The following PNKD variants were observed in gnomAD, a reference collection of about 807,000 sequenced individuals.
The protein encoded by PNKD is PNKD metallo-beta-lactamase domain containing, also known as probable thioesterase PNKD.
A neutral mutation model predicts 45.3 loss-of-function variants in PNKD; 36 were observed. That is an observed-to-expected ratio of 0.80 (90% CI 0.61 to 1.05). PNKD has a LOEUF of 1.05. Ranked by LOEUF, PNKD falls within the 50% of genes least tolerant of loss-of-function variation. PNKD has a pLI of 0.00. For missense variants in PNKD, 511 were observed against 506.6 expected, an observed-to-expected ratio of 1.01 and a Z score of -0.08; for synonymous variants, 197 against 210.1, an observed-to-expected ratio of 0.94 and a Z score of 0.54.
intron 2 of PNKD, among the ~76,000 whole-genome samples, chr2:218,319,332 T>C (rs1320243760): frequency 9.2e-5 from 14 of 151,536 alleles, no homozygotes; most frequent in Non-Finnish European, 4.4e-5. Context: ...ACTGCAGACA[T>C]TGGGGCCATT....
intron 2 of PNKD, among the ~76,000 whole-genome samples, chr2:218,302,491 G>A (rs1167666033): frequency 2.6e-5 from 4 of 152,200 alleles, no homozygotes; most frequent in Non-Finnish European, 5.9e-5. Context: ...ATCAAGCTAT[G>A]TGAAGGTGTG....
Position 218,324,997 on chromosome 2 carries a change from C to CTTTTTTTTTTTTT in PNKD, c.237-14770_237-14758dup, listed in dbSNP as rs1167758595. On this transcript the variant is annotated intron_variant, in intron 2 of 9. Coordinates refer to ENST00000273077, the MANE Select transcript of PNKD (RefSeq NM_015488.5). The stretch of plus-strand genomic sequence containing the variant: ...AACATGAAGGTATCTAAATAATTTT[C>CTTTTTTTTTTTTT]TTTTTTTTTTTTTTTTTTTTTTTTT... Among the ~76,000 whole-genome samples the CTTTTTTTTTTTTT allele has an allele frequency of 3.2e-5, 2 of 62,660 alleles. 1 individual carries two copies. The highest frequency in any genetic ancestry group is 1.3e-4 in the African/African-American group (2 of 14,862). 41.1% of individuals were successfully genotyped at this position (62,660 alleles called of 152,430 possible). A position where few individuals can be genotyped will look rare whatever the true frequency, so the allele number is the denominator to read the frequency against.
chr2:218,272,544 C>T, intron 2 of PNKD: 1 of 1,612,424 alleles, frequency 6.2e-7, no homozygotes, highest in Non-Finnish European at 8.5e-7. Flanking sequence ...CCTCCCCAAA[C>T]CCCGTGCACA....
chr2:218,328,267 A>C (rs773844074), intron 2 of PNKD, among the ~76,000 whole-genome samples: 3 of 152,070 alleles, frequency 2.0e-5, no homozygotes, highest in Non-Finnish European at 4.4e-5. Context: ...CCCTACCATC[A>C]GGCCTTTCTG....
chr2:218,296,518 C>T (rs4674284), intron 2 of PNKD, among the ~76,000 whole-genome samples: 52,837 of 151,998 alleles, frequency 0.35, 9,695 homozygotes, highest in Middle Eastern at 0.53. Flanking sequence ...AGAACTTTCT[C>T]TGTTGCCACC....
chr2:218,320,262 T>A (rs1693950499), intron 2 of PNKD, among the ~76,000 whole-genome samples: 1 of 152,220 alleles, frequency 6.6e-6, no homozygotes, highest in Non-Finnish European at 1.5e-5. Context: ...ACACAATAAT[T>A]GTACATATTT....
At chr2:218,271,032 G>T (rs1003589612) in intron 1 of PNKD, 8 of 471,138 alleles carry the variant, frequency 1.7e-5, no homozygotes, top group Middle Eastern at 5.9e-4. Flanking sequence ...GTCCCTTCCA[G>T]TGCTAACATT....
chr2:218,275,876 A>C, intron 2 of PNKD: 1 of 1,049,492 alleles, frequency 9.5e-7, no homozygotes, highest in Non-Finnish European at 1.4e-6. Context: ...GTGCCCACAA[A>C]AATCAATGGA....
intron 2 of PNKD, chr2:218,328,014 C>T (rs965691715): frequency 2.0e-5 from 3 of 149,548 alleles, no homozygotes; most frequent in African/African-American, 7.4e-5. Flanking sequence ...TGGATTACTT[C>T]TCTGCTCAAA....
At chr2:218,304,966 G>A (rs994667049) in intron 2 of PNKD, among the ~76,000 whole-genome samples, 2 of 152,030 alleles carry the variant, frequency 1.3e-5, no homozygotes, top group East Asian at 3.9e-4. Context: ...CCAGCTACTC[G>A]GGAGGCTAAG....
In PNKD at chr2:218,326,202, C is replaced by T. The variant is rs891682646; in HGVS notation, c.237-13581C>T. 1.3e-5 allele frequency among the ~76,000 whole-genome samples: 2 copies of T among 152,146 alleles called. No homozygotes were observed. The highest frequency in any genetic ancestry group is 1.3e-4 in the Admixed American group (2 of 15,256). The stretch of plus-strand genomic sequence containing the variant: ...AAGGCAATGATGGAAACACCAGGCT[C>T]ACCGGGAGGAGAGCTGTTGACCATG... On this transcript the variant is annotated intron_variant, in intron 2 of 9. Coordinates refer to ENST00000273077, the MANE Select transcript of PNKD (RefSeq NM_015488.5). The surrounding 1 kb of genome is among the most constrained non-coding windows in gnomAD (Gnocchi z 4.1).
chr2:218,298,378 C>G (rs1309154984), intron 2 of PNKD, among the ~76,000 whole-genome samples: 1 of 152,176 alleles, frequency 6.6e-6, no homozygotes, highest in Non-Finnish European at 1.5e-5. Flanking sequence ...GCCACACCAG[C>G]AAGCTTTGGT....
At chr2:218,273,261 T>TTGTTTTG in intron 2 of PNKD, among the ~76,000 whole-genome samples, 1 of 144,940 alleles carries the variant, frequency 6.9e-6, no homozygotes, top group Admixed American at 6.6e-5. Context: ...GTTTCCTCAT[T>TTGTTTTG]TGTTTTGTTT....
chr2:218,271,566 C>A lies in PNKD; in HGVS notation c.236+17C>A. On this transcript the variant is annotated intron_variant, in intron 2 of 9. Coordinates refer to ENST00000273077, the MANE Select transcript of PNKD (RefSeq NM_015488.5). The stretch of plus-strand genomic sequence containing the variant: ...ACTGGCCTGGTGAGTTTTAACCACC[C>A]CTTTGCCCACCAACGGGGCGTGGCT... 3 of 1,609,224 alleles carry A rather than the reference C, an allele frequency of 1.9e-6. No homozygotes were observed. Among genetic ancestry groups the A allele is most frequent in the Non-Finnish European group, 2.6e-6 (3 of 1,176,014 alleles).
intron 2 of PNKD, among the ~76,000 whole-genome samples, chr2:218,304,893 G>A (rs1394377200): frequency 1.3e-5 from 2 of 152,022 alleles, no homozygotes; most frequent in African/African-American, 4.8e-5. Flanking sequence ...TGGCCAACAT[G>A]GTGAAACCCC....
chr2:218,298,308 G>A (rs925866700), intron 2 of PNKD, among the ~76,000 whole-genome samples: 3 of 152,114 alleles, frequency 2.0e-5, no homozygotes, highest in African/African-American at 7.2e-5. Flanking sequence ...CTTCTTTCCA[G>A]ACCTGTGAAT....
At chr2:218,315,032 C>CTT (rs1346826695) in intron 2 of PNKD, among the ~76,000 whole-genome samples, 3 of 2,026 alleles carry the variant, frequency 1.5e-3, no homozygotes, top group Non-Finnish European at 5.3e-3. Context: ...TTCTTTCTTT[C>CTT]TTTCTTTTTC....
At chr2:218,344,136 A>G (rs1694760413) in intron 8 of PNKD, among the ~76,000 whole-genome samples, 1 of 152,184 alleles carries the variant, frequency 6.6e-6, no homozygotes, top group African/African-American at 2.4e-5. Context: ...TTGCCAAATG[A>G]GAAAATTGTG....
intron 2 of PNKD, among the ~76,000 whole-genome samples, chr2:218,325,655 T>C (rs575900914): frequency 1.1e-4 from 16 of 152,196 alleles, no homozygotes; most frequent in Non-Finnish European, 1.8e-4. Context: ...AAGTGGAAAA[T>C]AGAAGTTTCC....
Sources: gnomAD v4.1 joint callset for allele counts (sites outside exome capture counted in the v4.1 genomes callset) on GRCh38, gnomAD v4.1.1 for gene constraint, Gnocchi (gnomAD v3.1) non-coding constraint, MANE v1.5 for transcripts, NCBI Gene and HGNC (gene_info 2026-07-23, HGNC 2026-07-21) for gene names.